The following UFL1 variants were observed in gnomAD, a reference collection of about 807,000 sequenced individuals.
The protein encoded by UFL1 is E3 UFM1-protein ligase 1.
Under a neutral mutation model 99.3 loss-of-function variants are expected in UFL1, and 78 were observed. That is an observed-to-expected ratio of 0.79 (90% CI 0.65 to 0.95). The LOEUF is 0.95. Ranked by LOEUF, UFL1 falls within the 40% of genes least tolerant of loss-of-function variation. The pLI is 0.00. For synonymous variants in UFL1, 335 were observed against 322.2 expected (o/e 1.04, Z -0.42); for missense variants, 936 against 937.0 (o/e 1.00, Z 0.01).
chr6:96,528,869 A>T (rs1043642829), intron 6 of UFL1, among the ~76,000 whole-genome samples: 11 of 152,094 alleles, frequency 7.2e-5, no homozygotes, highest in Admixed American at 3.9e-4. Context: ...CACCCTTGTG[A>T]CCCCATACAC....
chr6:96,540,802 T>A, intron 11 of UFL1, 147 bp downstream of exon 11: 1 of 956,568 alleles, frequency 1.0e-6, no homozygotes, highest in Non-Finnish European at 1.5e-6. Flanking sequence ...ATTTTGCTAA[T>A]GTGTTAAGTT....
At chr6:96,541,438 G>A (rs1252168246) in intron 11 of UFL1, among the ~76,000 whole-genome samples, 1 of 151,362 alleles carries the variant, frequency 6.6e-6, no homozygotes, top group Non-Finnish European at 1.5e-5. Flanking sequence ...AGTTTTTATA[G>A]TAGGAACAGT....
At chr6:96,540,328 G>GA in intron 10 of UFL1, among the ~76,000 whole-genome samples, 1 of 151,438 alleles carries the variant, frequency 6.6e-6, no homozygotes, top group South Asian at 2.1e-4. Context: ...AGTTAATAAT[G>GA]GGTACAAAAA....
chr6:96,549,288 T>A (rs1770042234), intron 13 of UFL1, 124 bp from the exon 14 acceptor site: 1 of 746,490 alleles, frequency 1.3e-6, no homozygotes. Context: ...TCCAAATTAA[T>A]TTTATTTGCA....
chr6:96,538,726 T>G lies in UFL1; in HGVS notation c.1074T>G (p.Phe358Leu), dbSNP rs754578655. 6.2e-7 allele frequency: 1 copy of G among 1,611,482 alleles called. No individual in the cohort carries two copies. The highest frequency in any genetic ancestry group is 1.7e-5 in the Admixed American group (1 of 59,690). The change falls in exon 10 of 19, where the codon TTT becomes TTG. Residue 358 changes from phenylalanine to leucine, a missense_variant. Transcript: ENST00000369278. The part of the protein sequence containing the change: ...AFSKQASTVV[F>L]SDTVVVSEKF... The stretch of plus-strand genomic sequence containing the variant: ...GCAAACAGGCCTCAACTGTAGTCTT[T>G]AGCGACACTGTTGTAGTCAGTGAAA...
chr6:96,551,432 G>T lies in UFL1; in HGVS notation c.1819-1G>T, dbSNP rs2127953743. On this transcript the variant is annotated splice_acceptor_variant, in intron 15 of 18. Transcript: ENST00000369278. LOFTEE classifies it high-confidence loss of function. Reference sequence around the variant, plus strand: ...GAATGAATTTTCATTTACCCCTACAGATAAGAAAGAAAATTTTAAGTAAAT... The same window carrying T: ...GAATGAATTTTCATTTACCCCTACATATAAGAAAGAAAATTTTAAGTAAAT... 1 of 1,478,306 alleles carries T rather than the reference G, an allele frequency of 6.8e-7. No homozygotes were observed. Among genetic ancestry groups the T allele is most frequent in the South Asian group, 1.3e-5 (1 of 79,768 alleles). 91.6% of individuals were successfully genotyped at this position (1,478,306 alleles called of 1,614,324 possible).
chr6:96,528,686 A>AT (rs1023108263), intron 6 of UFL1, 54 bp downstream of exon 6: 24 of 1,516,660 alleles, frequency 1.6e-5, no homozygotes, highest in Admixed American at 2.1e-5. Context: ...CATGGTTTGC[A>AT]TTTTTTTCCT....
chr6:96,537,598 T>A lies in UFL1; in HGVS notation c.978+49T>A, dbSNP rs748596221. On this transcript the variant is annotated intron_variant, in intron 9 of 18. Coordinates refer to ENST00000369278, the MANE Select transcript of UFL1 (RefSeq NM_015323.5). ...TTTCTTTAAACAGTGACAACTGATA[T>A]TTTACTAATATTTGACCATTTAGAA... 3 of 1,464,586 alleles carry A rather than the reference T, an allele frequency of 2.0e-6. No homozygotes were observed. The East Asian group carries it at 7.7e-5, about 38-fold the overall frequency. The allele number at this position is 1,464,586 out of a possible 1,614,324, so 90.7% of individuals were successfully genotyped here. A position where few individuals can be genotyped will look rare whatever the true frequency, so the allele number is the denominator to read the frequency against.
intron 8 of UFL1, 120 bp downstream of exon 8, chr6:96,536,510 A>G: frequency 3.0e-6 from 2 of 660,852 alleles, no homozygotes; most frequent in Non-Finnish European, 4.4e-6. Flanking sequence ...AAATAATAAT[A>G]AATAAAAATT....
chr6:96,534,209 ATCT>A (rs1308306746), intron 6 of UFL1, 51 bp from the exon 7 acceptor site: 7 of 1,172,070 alleles, frequency 6.0e-6, no homozygotes, highest in African/African-American at 1.6e-5. Flanking sequence ...AAGTTCATTA[ATCT>A]ATAACACTAT....
chr6:96,526,587 T>TG, intron 5 of UFL1, 152 bp downstream of exon 5: 3 of 659,890 alleles, frequency 4.5e-6, no homozygotes, highest in East Asian at 2.8e-5. Context: ...CCAATATATT[T>TG]GGGGGGTACT....
Position 96,549,732 on chromosome 6 carries a change from T to C in UFL1, c.1751T>C (p.Leu584Pro). ...TCAGTGTGTACTGATATCACTAACCTCATTTTCAACTTCTTAGCTTCGGAT... is the reference window on the plus strand; with the variant it reads ...TCAGTGTGTACTGATATCACTAACCCCATTTTCAACTTCTTAGCTTCGGAT... The part of the protein sequence containing the change: ...LKSVCTDITN[L>P]IFNFLASDLM... The change falls in exon 15 of 19, where the codon CTC (leucine) becomes CCC (proline). Residue 584 changes from leucine to proline, a missense_variant. Coordinates refer to ENST00000369278, the MANE Select transcript of UFL1 (RefSeq NM_015323.5). The C allele has an allele frequency of 6.2e-7, 1 of 1,612,374 alleles. No homozygotes were observed. The highest frequency in any genetic ancestry group is 8.5e-7 in the Non-Finnish European group (1 of 1,178,848).
At chr6:96,551,346 A>C in intron 15 of UFL1, 87 bp from the exon 16 acceptor site, 1 of 727,218 alleles carries the variant, frequency 1.4e-6, no homozygotes, top group Non-Finnish European at 2.3e-6. Context: ...CCACTCAGGA[A>C]CTTGTTACAG....
chr6:96,528,680 G>T (rs1449766137), intron 6 of UFL1, 48 bp downstream of exon 6: 2 of 1,521,434 alleles, frequency 1.3e-6, no homozygotes, highest in Non-Finnish European at 1.8e-6. Context: ...TTTGATCATG[G>T]TTTGCATTTT....
At chr6:96,544,159 A>G (rs748803771) in intron 12 of UFL1, among the ~76,000 whole-genome samples, 5 of 151,016 alleles carry the variant, frequency 3.3e-5, no homozygotes, top group African/African-American at 4.8e-5. Flanking sequence ...GGAAACATTA[A>G]TTTTATGTAC....
At chr6:96,527,132 GTTTT>G (rs907846608) in intron 5 of UFL1, among the ~76,000 whole-genome samples, 1 of 151,340 alleles carries the variant, frequency 6.6e-6, no homozygotes, top group Non-Finnish European at 1.5e-5. Flanking sequence ...ACTTTTTTCT[GTTTT>G]TTTTTGTTTG....
chr6:96,523,029 G>T, intron 1 of UFL1, 117 bp from the exon 2 acceptor site: 1 of 930,892 alleles, frequency 1.1e-6, no homozygotes, highest in Non-Finnish European at 1.5e-6. Context: ...ATATTGTGAT[G>T]TAGAAGTTAG....
Position 96,526,487 on chromosome 6 carries a change from C to T in UFL1, c.465+52C>T, listed in dbSNP as rs757784684. On this transcript the variant is annotated intron_variant, in intron 5 of 18. Transcript: ENST00000369278. ...TGTCTTTTTACCAAAGGATTTTAAA[C>T]GAAGACTTTGAATGGAAGGGGGAAA... The T allele has an allele frequency of 2.0e-5, 29 of 1,458,042 alleles. 1 individual carries two copies. The East Asian group carries it at 4.1e-4, about 21-fold the overall frequency. The allele number at this position is 1,458,042 out of a possible 1,614,324, so 90.3% of individuals were successfully genotyped here.
At position 96,528,701 on chromosome 6, in the gene UFL1, G is replaced by A. The variant is rs185010080; in HGVS notation, c.596+69G>A. 16 of 1,475,162 alleles carry A rather than the reference G, an allele frequency of 1.1e-5. No individual in the cohort carries two copies. In the Admixed American group the frequency reaches 1.1e-4, roughly 10 times the overall value. The allele number at this position is 1,475,162 out of a possible 1,614,324, so 91.4% of individuals were successfully genotyped here. ...CATGGTTTGCATTTTTTTCCTAGCA[G>A]CGGAATCTTTTTCTTTGTTTTAATA... On this transcript the variant is annotated intron_variant, in intron 6 of 18. Coordinates refer to ENST00000369278, the MANE Select transcript of UFL1 (RefSeq NM_015323.5).
Sources: gnomAD v4.1 joint callset for allele counts (sites outside exome capture counted in the v4.1 genomes callset) on GRCh38, gnomAD v4.1.1 for gene constraint, MANE v1.5 for transcripts, NCBI Gene and HGNC (gene_info 2026-07-23, HGNC 2026-07-21) for gene names.